The following SLC1A7 variants were observed in gnomAD, a reference collection of about 807,000 sequenced individuals.
SLC1A7 encodes the protein excitatory amino acid transporter 5.
In SLC1A7, 40 loss-of-function variants were observed where a neutral mutation model predicts 47.7. The observed-to-expected ratio is 0.84, with a 90% CI of 0.65 to 1.09. The LOEUF is 1.09. Ranked by LOEUF, SLC1A7 falls within the 50% of genes least tolerant of loss-of-function variation. The pLI, the probability that SLC1A7 is intolerant of heterozygous loss-of-function variation, is 0.00. For missense variants in SLC1A7, 746 were observed against 769.5 expected (o/e 0.97, Z 0.36); for synonymous variants, 323 against 325.6 (o/e 0.99, Z 0.09).
At position 53,114,832 on chromosome 1, in the gene SLC1A7, C is replaced by A; in HGVS notation, c.357G>T (p.Ala119=). 6.2e-7 allele frequency: 1 copy of A among 1,614,194 alleles called. No individual in the cohort carries two copies. Among genetic ancestry groups the A allele is most frequent in the East Asian group, 2.2e-5 (1 of 44,888 alleles). The change falls in exon 3 of 11, where the codon GCG becomes GCT. Residue 119 remains alanine (A), a synonymous_variant. Coordinates refer to ENST00000371494, the MANE Select transcript of SLC1A7 (RefSeq NM_006671.6). ...FMVSIIHPGS[A]AQKETTEQSG... ...TCTGCTCCGTGGTCTCCTTCTGGGC[C>A]GCGCTGCCTGGGTGGATGATGGAGA...
chr1:53,138,808 C>A (rs181417280), intron 1 of SLC1A7, among the ~76,000 whole-genome samples: 206 of 152,254 alleles, frequency 1.4e-3, no homozygotes, highest in Admixed American at 6.2e-3. Context: ...ATGTGTTGGG[C>A]AGCTACTCAC....
chr1:53,097,438 G>A (rs1159364130), intron 5 of SLC1A7, among the ~76,000 whole-genome samples: 7 of 126,666 alleles, frequency 5.5e-5, no homozygotes, highest in East Asian at 2.5e-4. Context: ...ACACCACCTC[G>A]GTACACTCAC....
intron 1 of SLC1A7, among the ~76,000 whole-genome samples, chr1:53,136,617 T>TAAACATATATAATATAG (rs1422496982): frequency 7.5e-6 from 1 of 134,070 alleles, no homozygotes; most frequent in Non-Finnish European, 1.6e-5. Flanking sequence ...ATATAATATA[T>TAAACATATATAATATAG]ATAAACATAT....
At chr1:53,113,687 A>G (rs1215391062) in intron 3 of SLC1A7, among the ~76,000 whole-genome samples, 1 of 151,736 alleles carries the variant, frequency 6.6e-6, no homozygotes, top group Non-Finnish European at 1.5e-5. Context: ...AACCTTCTGA[A>G]TTGGATCATG....
chr1:53,123,730 A>T (rs537863828), intron 2 of SLC1A7, among the ~76,000 whole-genome samples: 13 of 152,346 alleles, frequency 8.5e-5, no homozygotes, highest in African/African-American at 2.4e-4. Flanking sequence ...TCTGTGGTGC[A>T]GGATAAAGCC....
At chr1:53,090,480 C>T (rs999112884) in intron 8 of SLC1A7, 132 bp downstream of exon 8, 2 of 1,366,672 alleles carry the variant, frequency 1.5e-6, no homozygotes, top group Non-Finnish European at 1.9e-6. Flanking sequence ...GAGCTCCCAG[C>T]CCTGGCCCTC....
intron 3 of SLC1A7, among the ~76,000 whole-genome samples, chr1:53,112,226 G>A (rs1557679696): frequency 6.6e-6 from 1 of 152,128 alleles, no homozygotes; most frequent in East Asian, 1.9e-4. Context: ...AAAATGCCTG[G>A]GCTAGCTCTC....
At chr1:53,118,141 A>G (rs1311769144) in intron 2 of SLC1A7, among the ~76,000 whole-genome samples, 2 of 152,212 alleles carry the variant, frequency 1.3e-5, no homozygotes, top group Non-Finnish European at 2.9e-5. Flanking sequence ...AAGGAGGTGT[A>G]AGGCCCTGCC....
intron 1 of SLC1A7, among the ~76,000 whole-genome samples, chr1:53,136,185 A>T (rs910866873): frequency 1.4e-5 from 2 of 147,038 alleles, no homozygotes; most frequent in Non-Finnish European, 3.0e-5. Context: ...ATATATAATT[A>T]TATATTATAT....
chr1:53,112,501 A>G (rs894085131), intron 3 of SLC1A7, among the ~76,000 whole-genome samples: 8 of 152,228 alleles, frequency 5.3e-5, no homozygotes, highest in African/African-American at 1.7e-4. Flanking sequence ...GATACAGGGA[A>G]CGAGAGTTTC....
chr1:53,102,252 C>T (rs979141903), intron 5 of SLC1A7: 4 of 152,334 alleles, frequency 2.6e-5, no homozygotes, highest in African/African-American at 9.6e-5. Flanking sequence ...AGCCGTCCAC[C>T]CATCTCCCTA....
In SLC1A7 at chr1:53,142,503, C is replaced by A; in HGVS notation, c.-54G>T. The A allele has an allele frequency of 6.3e-7, 1 of 1,586,030 alleles. No homozygotes were observed. The highest frequency in any genetic ancestry group is 1.1e-5 in the South Asian group (1 of 87,292). On this transcript the variant is annotated 5_prime_UTR_variant, in exon 1 of 11. Transcript: ENST00000371494. ...CAGCACCATTCCACGCATGAGAGCCCGGCCGGGGGCACAGGGTCTGGGCTG... is the reference window on the plus strand; with the variant it reads ...CAGCACCATTCCACGCATGAGAGCCAGGCCGGGGGCACAGGGTCTGGGCTG...
At chr1:53,110,786 C>T (rs1295594650) in intron 3 of SLC1A7, among the ~76,000 whole-genome samples, 9 of 152,150 alleles carry the variant, frequency 5.9e-5, no homozygotes, top group Non-Finnish European at 1.3e-4. Flanking sequence ...TGCCTCTCTG[C>T]TTGCCCCTGC....
chr1:53,110,619 C>T (rs1644692250), intron 3 of SLC1A7, among the ~76,000 whole-genome samples: 1 of 152,182 alleles, frequency 6.6e-6, no homozygotes, highest in African/African-American at 2.4e-5. Context: ...GCACCGATAC[C>T]TCCTTCCACC....
At chr1:53,088,248 T>A (rs1176042070) in intron 10 of SLC1A7, 21 bp from the exon 11 acceptor site, 1 of 1,573,238 alleles carries the variant, frequency 6.4e-7, no homozygotes, top group African/African-American at 1.3e-5. Flanking sequence ...GAAACAGGTC[T>A]TTGTAGCAGC....
At chr1:53,109,384 G>T (rs1644678609) in intron 3 of SLC1A7, among the ~76,000 whole-genome samples, 1 of 152,178 alleles carries the variant, frequency 6.6e-6, no homozygotes, top group Admixed American at 6.5e-5. Flanking sequence ...CCTGATTAGT[G>T]CTCTGCTTGG....
rs566670323 is a variant in SLC1A7, at chr1:53,104,748, C to G, written c.474+984G>C. ...TACCTCAGCCACTTCCTTTGTGTCC[C>G]CAGGCTCAACACAGGGCCCAGCCCA... On this transcript the variant is annotated intron_variant, in intron 4 of 10. Coordinates refer to ENST00000371494, the MANE Select transcript of SLC1A7 (RefSeq NM_006671.6). 2.4e-4 allele frequency among the ~76,000 whole-genome samples: 37 copies of G among 152,324 alleles called. No individual in the cohort carries two copies. In the South Asian group the frequency reaches 7.7e-3, roughly 32 times the overall value.
intron 5 of SLC1A7, among the ~76,000 whole-genome samples, chr1:53,097,346 C>T (rs1040330922): frequency 4.9e-5 from 7 of 141,750 alleles, no homozygotes; most frequent in African/African-American, 8.0e-5. Flanking sequence ...AACCTGCCTC[C>T]GTGTACTCAC....
rs1644451367 is a variant in SLC1A7, at chr1:53,093,643, G to T, written c.698-83C>A. The T allele has an allele frequency of 3.0e-6, 3 of 1,009,872 alleles. No individual in the cohort carries two copies. The Admixed American group carries it at 6.4e-5, about 22-fold the overall frequency. 62.6% of individuals were successfully genotyped at this position (1,009,872 alleles called of 1,614,324 possible). On this transcript the variant is annotated intron_variant, in intron 5 of 10. Transcript: ENST00000371494. Reference sequence around the variant, plus strand: ...GGGTCTCAGCATGGCTGGCTTCCCAGCAGCCTTGATGCTCCAGCACTCCCC... The same window carrying T: ...GGGTCTCAGCATGGCTGGCTTCCCATCAGCCTTGATGCTCCAGCACTCCCC...
Sources: allele counts gnomAD v4.1 joint callset (sites outside exome capture counted in the v4.1 genomes callset), GRCh38; gene constraint gnomAD v4.1.1; transcripts MANE v1.5; gene names NCBI Gene and HGNC (gene_info 2026-07-23, HGNC 2026-07-21).